RANBP17: variants seen among roughly 807,000 people sequenced by gnomAD.
RANBP17 encodes the protein ran-binding protein 17.
In RANBP17, 158 loss-of-function variants were observed where a neutral mutation model predicts 141.2. That is an observed-to-expected ratio of 1.12 (90% CI 0.98 to 1.28). The LOEUF (loss-of-function observed/expected upper bound fraction) is 1.28, where lower values mean the gene tolerates loss of function less well. RANBP17 is among the 50% of genes most tolerant of loss of function. RANBP17 has a pLI of 0.00. For synonymous variants in RANBP17, 430 were observed against 450.0 expected, an observed-to-expected ratio of 0.96 and a Z score of 0.56; for missense variants, 1,438 against 1,290.7, an observed-to-expected ratio of 1.11 and a Z score of -1.75.
intron 14 of RANBP17, among the ~76,000 whole-genome samples, chr5:171,040,193 C>T (rs1782163569): frequency 6.6e-6 from 1 of 152,116 alleles, no homozygotes; most frequent in Non-Finnish European, 1.5e-5. Flanking sequence ...GACTTCATTC[C>T]TGGGATGCAA....
At chr5:171,027,002 A>G (rs1372681789) in intron 14 of RANBP17, among the ~76,000 whole-genome samples, 1 of 152,110 alleles carries the variant, frequency 6.6e-6, no homozygotes, top group Non-Finnish European at 1.5e-5. Flanking sequence ...GGGAACACAC[A>G]CAAGAGATCT....
At chr5:170,940,187 A>AT (rs1422418944) in intron 12 of RANBP17, among the ~76,000 whole-genome samples, 1 of 152,164 alleles carries the variant, frequency 6.6e-6, no homozygotes, top group Non-Finnish European at 1.5e-5. Flanking sequence ...AAGTAAAAGG[A>AT]TTTTTTAAAA....
intron 20 of RANBP17, among the ~76,000 whole-genome samples, chr5:171,212,687 G>T (rs1762976033): frequency 6.6e-6 from 1 of 152,186 alleles, no homozygotes; most frequent in East Asian, 1.9e-4. Flanking sequence ...TGATTTAGTT[G>T]AGCATTTTGA....
chr5:170,964,367 TA>T (rs1214477085), intron 13 of RANBP17, among the ~76,000 whole-genome samples: 1 of 151,898 alleles, frequency 6.6e-6, no homozygotes, highest in Non-Finnish European at 1.5e-5. Flanking sequence ...GGTGTATTCA[TA>T]TAATGGAATG....
intron 14 of RANBP17, among the ~76,000 whole-genome samples, chr5:171,109,826 C>G (rs142138685): frequency 1.3e-5 from 2 of 152,184 alleles, no homozygotes; most frequent in African/African-American, 4.8e-5. Context: ...ACATGAATAT[C>G]CAACACTAAG....
At chr5:171,146,214 C>T (rs1159515685) in intron 14 of RANBP17, among the ~76,000 whole-genome samples, 1 of 152,062 alleles carries the variant, frequency 6.6e-6, no homozygotes, top group Non-Finnish European at 1.5e-5. Flanking sequence ...TGAAGGAAGA[C>T]ATGGATGATA....
intron 12 of RANBP17, among the ~76,000 whole-genome samples, chr5:170,953,158 T>C (rs954478059): frequency 4.6e-5 from 7 of 152,122 alleles, no homozygotes; most frequent in Non-Finnish European, 2.9e-5. Context: ...ATCATGACAT[T>C]GACCATTCAG....
intron 16 of RANBP17, among the ~76,000 whole-genome samples, chr5:171,175,599 C>T (rs1760405489): frequency 6.6e-6 from 1 of 151,884 alleles, no homozygotes; most frequent in Non-Finnish European, 1.5e-5. Context: ...AAAAAACAAC[C>T]CCATCAAAAA....
At chr5:171,093,587 G>A (rs1405427679) in intron 14 of RANBP17, among the ~76,000 whole-genome samples, 1 of 152,178 alleles carries the variant, frequency 6.6e-6, no homozygotes, top group African/African-American at 2.4e-5. Flanking sequence ...GACAAATATA[G>A]TCACAATCAC....
At chr5:171,256,969 C>T (rs539459485) in intron 24 of RANBP17, among the ~76,000 whole-genome samples, 56 of 150,146 alleles carry the variant, frequency 3.7e-4, no homozygotes, top group African/African-American at 1.3e-3. Context: ...CAAATCCAGA[C>T]GTACAAACAT....
intron 14 of RANBP17, among the ~76,000 whole-genome samples, chr5:171,024,619 A>G (rs1457346574): frequency 6.6e-6 from 1 of 151,846 alleles, no homozygotes; most frequent in African/African-American, 2.4e-5. Flanking sequence ...TCAACCACTT[A>G]CTCCTTCTAG....
At chr5:171,194,296 A>C (rs1046622229) in intron 18 of RANBP17, among the ~76,000 whole-genome samples, 1 of 152,114 alleles carries the variant, frequency 6.6e-6, no homozygotes, top group Non-Finnish European at 1.5e-5. Flanking sequence ...TGCAGCCATC[A>C]CCATTATCTA....
intron 25 of RANBP17, among the ~76,000 whole-genome samples, chr5:171,267,677 T>A (rs1766817980): frequency 6.6e-6 from 1 of 151,994 alleles, no homozygotes; most frequent in South Asian, 2.1e-4. Flanking sequence ...CATGGTGGTG[T>A]GTGCCTGTAT....
intron 13 of RANBP17, among the ~76,000 whole-genome samples, chr5:170,954,272 T>G (rs959472063): frequency 2.0e-5 from 3 of 152,152 alleles, no homozygotes; most frequent in Non-Finnish European, 2.9e-5. Context: ...CAAATGAAAA[T>G]AAAAATTATA....
intron 14 of RANBP17, among the ~76,000 whole-genome samples, chr5:171,006,763 A>T (rs1030547384): frequency 1.3e-5 from 2 of 149,874 alleles, no homozygotes; most frequent in Non-Finnish European, 1.5e-5. Flanking sequence ...AAAAAAGAAT[A>T]GGTCGGCCTT....
intron 14 of RANBP17, among the ~76,000 whole-genome samples, chr5:171,072,785 T>C (rs1324079740): frequency 6.6e-6 from 1 of 152,158 alleles, no homozygotes; most frequent in Admixed American, 6.5e-5. Context: ...CAGAAACCTA[T>C]ATGCAAATGT....
At chr5:171,096,482 A>G (rs567577294) in intron 14 of RANBP17, among the ~76,000 whole-genome samples, 1 of 152,218 alleles carries the variant, frequency 6.6e-6, no homozygotes, top group Non-Finnish European at 1.5e-5. Context: ...CATTTGCTAC[A>G]TAGGCAGTAA....
intron 14 of RANBP17, among the ~76,000 whole-genome samples, chr5:170,995,505 C>T (rs1217218639): frequency 6.6e-6 from 1 of 152,050 alleles, no homozygotes; most frequent in African/African-American, 2.4e-5. Flanking sequence ...TGTTTCATGT[C>T]TGGAAGTGCA....
chr5:171,238,977 C>T, intron 22 of RANBP17, among the ~76,000 whole-genome samples: 1 of 152,136 alleles, frequency 6.6e-6, no homozygotes, highest in Admixed American at 6.6e-5. Flanking sequence ...ATCGATTTCC[C>T]CCAACGGACT....
Sources: gnomAD v4.1 joint callset for allele counts (sites outside exome capture counted in the v4.1 genomes callset) on GRCh38, gnomAD v4.1.1 for gene constraint, MANE v1.5 for transcripts, NCBI Gene and HGNC (gene_info 2026-07-23, HGNC 2026-07-21) for gene names.